Variants in DAAM1 observed in about 807,000 individuals in gnomAD.
The protein encoded by DAAM1 is disheveled-associated activator of morphogenesis 1.
Under a neutral mutation model 130.0 loss-of-function variants are expected in DAAM1, and 52 were observed. The observed-to-expected ratio is 0.40, with a 90% confidence interval of 0.32 to 0.50. The LOEUF (loss-of-function observed/expected upper bound fraction) is 0.50, where lower values mean the gene tolerates loss of function less well. Among genes scored for constraint, DAAM1 ranks in the 20% least tolerant of loss-of-function variants. The probability of loss-of-function intolerance (pLI) is 0.61; values close to 1 mark genes in which losing one functional copy is unlikely to be tolerated. For synonymous variants in DAAM1, 452 were observed against 444.5 expected (o/e 1.02, Z -0.21); for missense variants, 1,134 against 1,303.8 (o/e 0.87, Z 2.01).
intron 15 of DAAM1, among the ~76,000 whole-genome samples, chr14:59,334,577 G>T (rs930076232): frequency 6.6e-6 from 1 of 152,120 alleles, no homozygotes; most frequent in Non-Finnish European, 1.5e-5. Context: ...CTGTATGCAT[G>T]CAACAGGAAC....
rs955357488 is a variant in DAAM1, at chr14:59,258,749, G to A, written c.-37-4692G>A. 4.7e-4 allele frequency among the ~76,000 whole-genome samples: 71 copies of A among 152,148 alleles called. 1 individual carries two copies. Among genetic ancestry groups the A allele is most frequent in the Admixed American group, 4.0e-3 (61 of 15,278 alleles). ...TGCCTGTTGGAAATCTCCAACACAT[G>A]CCATCATCTAGAGTTTAGGGATGGG... On this transcript the variant is annotated intron_variant, in intron 1 of 24. Coordinates refer to ENST00000360909, the MANE Select transcript of DAAM1 (RefSeq NM_001270520.2).
rs1886677982 is a variant in DAAM1 at position 59,360,840 on chromosome 14, G to A, written c.2672G>A (p.Ser891Asn). The A allele has an allele frequency of 1.2e-6, 2 of 1,613,804 alleles. No homozygotes were observed. Among genetic ancestry groups the A allele is most frequent in the Non-Finnish European group, 1.7e-6 (2 of 1,179,928 alleles). ...GACAAAGAAATAAGTACCTTGAGAA[G>A]TGGCTTGAAAGCAGTAGAGACAGTG... ...ELDKEISTLR[S>N]GLKAVETELE... Residue 891 changes from serine to asparagine, a missense_variant, in exon 22 of 25, where the codon AGT becomes AAT. By Grantham distance (46) the Ser-to-Asn change is conservative. Around this residue, in one of 3 missense-constraint regions of DAAM1, gnomAD observed 644 missense variants for 695.9 expected, o/e 0.93. Transcript: ENST00000360909.
chr14:59,341,471 G>A (rs1486738155), intron 16 of DAAM1, among the ~76,000 whole-genome samples: 1 of 152,120 alleles, frequency 6.6e-6, no homozygotes, highest in Non-Finnish European at 1.5e-5. Context: ...AAGATATTTG[G>A]AGGTAAACTG....
At chr14:59,256,318 A>T (rs1179879588) in intron 1 of DAAM1, among the ~76,000 whole-genome samples, 2 of 152,150 alleles carry the variant, frequency 1.3e-5, no homozygotes, top group Non-Finnish European at 2.9e-5. Context: ...ATCATCATCC[A>T]CATTCCCTAA....
intron 16 of DAAM1, among the ~76,000 whole-genome samples, chr14:59,346,144 G>T (rs935016056): frequency 4.0e-5 from 6 of 148,484 alleles, no homozygotes; most frequent in South Asian, 2.2e-4. Context: ...TTTTTGGGGG[G>T]GGGGGGGTGC....
chr14:59,219,224 G>A (rs2139424377), intron 1 of DAAM1, among the ~76,000 whole-genome samples: 1 of 152,314 alleles, frequency 6.6e-6, no homozygotes, highest in South Asian at 2.1e-4. Flanking sequence ...TAATACTGAA[G>A]AGGAACTTAC....
At chr14:59,354,294 T>C (rs531118510) in intron 19 of DAAM1, among the ~76,000 whole-genome samples, 1 of 152,312 alleles carries the variant, frequency 6.6e-6, no homozygotes, top group East Asian at 1.9e-4. Context: ...TCTCCTGACC[T>C]CGTGATCTGC....
intron 1 of DAAM1, among the ~76,000 whole-genome samples, chr14:59,232,982 G>T (rs1056759692): frequency 6.6e-6 from 1 of 151,932 alleles, no homozygotes; most frequent in South Asian, 2.1e-4. Flanking sequence ...TCATTCTTAC[G>T]GCTGCATAGT....
At chr14:59,227,466 G>T (rs1447192637) in intron 1 of DAAM1, among the ~76,000 whole-genome samples, 1 of 152,146 alleles carries the variant, frequency 6.6e-6, no homozygotes, top group African/African-American at 2.4e-5. Context: ...GACTTGTTTG[G>T]GATGGCCAGG....
intron 2 of DAAM1, among the ~76,000 whole-genome samples, chr14:59,277,223 C>T (rs971203018): frequency 7.2e-5 from 11 of 152,132 alleles, no homozygotes; most frequent in African/African-American, 2.7e-4. Context: ...TATATTATTT[C>T]AAAATTCCTT....
intron 2 of DAAM1, among the ~76,000 whole-genome samples, chr14:59,288,823 G>A (rs75313266): frequency 0.075 from 10,032 of 133,412 alleles, 419 homozygotes; most frequent in Non-Finnish European, 0.11. Context: ...ACATTTTCCT[G>A]TGATAGCAGG....
chr14:59,273,638 G>A (rs1882823393), intron 2 of DAAM1, among the ~76,000 whole-genome samples: 1 of 152,124 alleles, frequency 6.6e-6, no homozygotes, highest in Non-Finnish European at 1.5e-5. Flanking sequence ...ATTATACAAA[G>A]TCGTTATAGT....
At chr14:59,345,585 G>C (rs1886041921) in intron 16 of DAAM1, among the ~76,000 whole-genome samples, 2 of 152,102 alleles carry the variant, frequency 1.3e-5, no homozygotes, top group Admixed American at 6.5e-5. Flanking sequence ...CCCAAATCTA[G>C]AGAAAAAGAC....
At chr14:59,254,368 A>G (rs1371428736) in intron 1 of DAAM1, among the ~76,000 whole-genome samples, 2 of 152,166 alleles carry the variant, frequency 1.3e-5, no homozygotes, top group Non-Finnish European at 2.9e-5. Context: ...CTCTTAGATG[A>G]GGGAGAGCTT....
intron 1 of DAAM1, among the ~76,000 whole-genome samples, chr14:59,253,922 A>G (rs1198725480): frequency 2.6e-5 from 4 of 152,274 alleles, no homozygotes; most frequent in Admixed American, 6.5e-5. Flanking sequence ...GTATATATCT[A>G]TTCAACTTCG....
intron 1 of DAAM1, among the ~76,000 whole-genome samples, chr14:59,260,668 G>T (rs2033796): frequency 0.36 from 54,928 of 152,000 alleles, 10,463 homozygotes; most frequent in East Asian, 0.5. Flanking sequence ...AAACATTTTT[G>T]ATAATATCTC....
chr14:59,366,756 A>G (rs1886931150), intron 23 of DAAM1, among the ~76,000 whole-genome samples: 1 of 152,140 alleles, frequency 6.6e-6, no homozygotes, highest in South Asian at 2.1e-4. Flanking sequence ...TCCATCAGTT[A>G]TATTTGACTC....
chr14:59,317,623 CT>C (rs1306917506), intron 4 of DAAM1, among the ~76,000 whole-genome samples: 1 of 152,180 alleles, frequency 6.6e-6, no homozygotes, highest in African/African-American at 2.4e-5. Context: ...GCAGCAACTA[CT>C]ACATGACAAG....
chr14:59,330,975 G>A (rs139309331), intron 13 of DAAM1, among the ~76,000 whole-genome samples: 152 of 152,274 alleles, frequency 1.0e-3, no homozygotes, highest in African/African-American at 3.5e-3. Context: ...TGCAAGAAGT[G>A]AGAGAGATAT....
Sources: allele counts gnomAD v4.1 joint callset (sites outside exome capture counted in the v4.1 genomes callset), GRCh38; gene constraint gnomAD v4.1.1; regional missense constraint gnomAD v4.1.1; transcripts MANE v1.5; gene names NCBI Gene and HGNC (gene_info 2026-07-23, HGNC 2026-07-21).